The following ZNF782 variants were observed in gnomAD, a reference collection of about 807,000 sequenced individuals.
ZNF782 encodes zinc finger protein 782.
A neutral mutation model predicts 13.0 loss-of-function variants in ZNF782; 12 were observed. The observed-to-expected ratio is 0.92, with a 90% CI of 0.59 to 1.50. The LOEUF is 1.50. ZNF782 is among the 40% of genes most tolerant of loss of function. The pLI is 0.00. For synonymous variants in ZNF782, 284 were observed against 283.0 expected (o/e 1.00, Z -0.04); for missense variants, 770 against 822.9 (o/e 0.94, Z 0.79).
chr9:96,913,386 C>T, the ZNF782 span, among the ~76,000 whole-genome samples: 1 of 151,924 alleles, frequency 6.6e-6, no homozygotes, highest in Non-Finnish European at 1.5e-5. Flanking sequence ...AGGGCCCAGA[C>T]TAAGAATGCA....
Position 96,818,075 on chromosome 9 carries a change from G to A in ZNF782, c.1948C>T (p.Gln650Ter), listed in dbSNP as rs1180292213. 2 of 1,611,860 alleles carry A rather than the reference G, an allele frequency of 1.2e-6. No individual in the cohort carries two copies. Among genetic ancestry groups the A allele is most frequent in the Non-Finnish European group, 1.7e-6 (2 of 1,179,256 alleles). The change falls in exon 6 of 6, where the codon CAG becomes TAG. Residue 650 changes from glutamine (Q) to a stop codon, truncating the protein, a stop_gained. Coordinates refer to ENST00000481138, the MANE Select transcript of ZNF782 (RefSeq NM_001001662.3). LOFTEE classifies it low-confidence loss of function (END_TRUNC). ...TTCTGACTGAAAGCTTCCCCACACT[G>A]ATTACAATTATATGGTTTCTCCCCG... is the stretch of plus-strand genomic sequence containing the variant. ...HTGEKPYNCN[Q>*]CGEAFSQKSN...
chr9:96,822,899 G>A (rs182288316), intron 5 of ZNF782, among the ~76,000 whole-genome samples: 58 of 152,034 alleles, frequency 3.8e-4, no homozygotes, highest in East Asian at 2.1e-3. Context: ...TTCTTACATT[G>A]TTTGCAATTT....
chr9:96,846,723 T>TA (rs1464308127), intron 3 of ZNF782, among the ~76,000 whole-genome samples: 1 of 152,094 alleles, frequency 6.6e-6, no homozygotes, highest in Non-Finnish European at 1.5e-5. Context: ...AGAAATGAGA[T>TA]AGACAGCAAT....
intron 4 of ZNF782, among the ~76,000 whole-genome samples, chr9:96,829,459 T>C (rs1349014475): frequency 1.3e-5 from 2 of 152,088 alleles, no homozygotes; most frequent in Non-Finnish European, 2.9e-5. Flanking sequence ...ATAACACTAC[T>C]TCAAAATACA....
At chr9:96,874,586 T>C (rs1040500799) in intron 1 of ZNF782, among the ~76,000 whole-genome samples, 1 of 152,196 alleles carries the variant, frequency 6.6e-6, no homozygotes, top group African/African-American at 2.4e-5. Flanking sequence ...TTTCTGGAGA[T>C]AATGACATCA....
chr9:96,912,520 GCTT>G, the ZNF782 span, among the ~76,000 whole-genome samples: 1 of 148,086 alleles, frequency 6.8e-6, no homozygotes, highest in Non-Finnish European at 1.5e-5. Flanking sequence ...GAGATAAAAG[GCTT>G]CTTTTTTTTC....
the ZNF782 span, among the ~76,000 whole-genome samples, chr9:96,900,214 G>A: frequency 8.0e-5 from 12 of 150,308 alleles, no homozygotes; most frequent in Non-Finnish European, 1.5e-4. Flanking sequence ...CCCCAGGGTG[G>A]TGGCACCTGC....
chr9:96,886,760 T>C, the ZNF782 span, among the ~76,000 whole-genome samples: 18 of 151,486 alleles, frequency 1.2e-4, no homozygotes, highest in African/African-American at 3.2e-4. Flanking sequence ...TCATCTCTAC[T>C]AAAAATACAA....
intron 4 of ZNF782, among the ~76,000 whole-genome samples, chr9:96,830,881 T>C (rs982307994): frequency 6.6e-6 from 1 of 152,114 alleles, no homozygotes; most frequent in African/African-American, 2.4e-5. Context: ...AGAGAAGATA[T>C]ATGAAGTAGG....
At position 96,816,544 on chromosome 9, in the gene ZNF782, A is replaced by C. The variant is rs553594057; in HGVS notation, c.*1379T>G. The C allele has an allele frequency of 6.6e-6, 1 of 152,296 alleles. No individual in the cohort carries two copies. Among genetic ancestry groups the C allele is most frequent in the Non-Finnish European group, 1.5e-5 (1 of 68,020 alleles). The allele number at this position is 152,296 out of a possible 1,614,324, so 9.4% of individuals were successfully genotyped here. ...ATAGTGAATGTCTTATATTTCATTA[A>C]AAGTTTTGATATTATATGTGAAACA... On this transcript the variant is annotated 3_prime_UTR_variant, in exon 6 of 6. Transcript: ENST00000481138.
chr9:96,837,890 C>A (rs1160574561), intron 4 of ZNF782, among the ~76,000 whole-genome samples: 1 of 152,096 alleles, frequency 6.6e-6, no homozygotes, highest in African/African-American at 2.4e-5. Context: ...ATGCCTGGCT[C>A]ATTTTTATAT....
chr9:96,872,461 G>A (rs551230881), intron 1 of ZNF782, among the ~76,000 whole-genome samples: 2 of 152,006 alleles, frequency 1.3e-5, no homozygotes, highest in African/African-American at 4.8e-5. Flanking sequence ...AACCTGAGGG[G>A]CGGAGGTTGC....
intron 3 of ZNF782, among the ~76,000 whole-genome samples, chr9:96,849,577 T>G (rs1373754060): frequency 6.6e-6 from 1 of 152,168 alleles, no homozygotes; most frequent in Non-Finnish European, 1.5e-5. Flanking sequence ...AAGACAACAT[T>G]TGGAAAACTC....
At chr9:96,836,710 T>TGTAGCA (rs1851014795) in intron 4 of ZNF782, among the ~76,000 whole-genome samples, 1 of 152,124 alleles carries the variant, frequency 6.6e-6, no homozygotes, top group Non-Finnish European at 1.5e-5. Flanking sequence ...TGATCCCCAA[T>TGTAGCA]GTAGCAGTGT....
chr9:96,903,786 T>A, the ZNF782 span, among the ~76,000 whole-genome samples: 1 of 151,554 alleles, frequency 6.6e-6, no homozygotes, highest in Non-Finnish European at 1.5e-5. Context: ...ATGGTCTCGA[T>A]CTCCTGACCT....
upstream of ZNF782, chr9:96,854,622 ACGTGACTCCT>A (rs1450758697): frequency 1.3e-5 from 2 of 152,258 alleles, no homozygotes; most frequent in Non-Finnish European, 2.9e-5. Context: ...TCCGCCTTCG[ACGTGACTCCT>A]CACGTTTCGG....
intron 4 of ZNF782, among the ~76,000 whole-genome samples, chr9:96,840,606 G>A (rs1851157552): frequency 6.6e-6 from 1 of 151,910 alleles, no homozygotes. Flanking sequence ...TCAAAAAGTG[G>A]ATATTAATTA....
the ZNF782 span, among the ~76,000 whole-genome samples, chr9:96,901,427 A>G: frequency 6.6e-6 from 1 of 150,928 alleles, no homozygotes; most frequent in Non-Finnish European, 1.5e-5. Context: ...GTGCACCACC[A>G]CGCCTGGCTA....
chr9:96,927,454 CTTCCT>C, the ZNF782 span, among the ~76,000 whole-genome samples: 1 of 151,942 alleles, frequency 6.6e-6, no homozygotes, highest in Non-Finnish European at 1.5e-5. Context: ...CTACTCCTGA[CTTCCT>C]TTCATCAAAT....
Sources: gnomAD v4.1 joint callset for allele counts (sites outside exome capture counted in the v4.1 genomes callset) on GRCh38, gnomAD v4.1.1 for gene constraint, MANE v1.5 for transcripts, NCBI Gene and HGNC (gene_info 2026-07-23, HGNC 2026-07-21) for gene names.